RPH3A: variants seen among roughly 807,000 people sequenced by gnomAD.
RPH3A encodes the protein rabphilin 3A, also known as rabphilin-3A.
RPH3A carries 48 observed loss-of-function variants against 102.2 expected under a neutral mutation model. The ratio of observed to expected loss-of-function variants is 0.47; its 90% CI spans 0.37 to 0.60. RPH3A has a LOEUF of 0.60. Ranked by LOEUF, RPH3A falls within the 20% of genes least tolerant of loss-of-function variation. The pLI is 0.00. For missense variants in RPH3A, 781 were observed against 910.1 expected, an observed-to-expected ratio of 0.86 and a Z score of 1.83; for synonymous variants, 310 against 324.3, an observed-to-expected ratio of 0.96 and a Z score of 0.47.
At chr12:112,739,009 A>G (rs2040688606) in intron 1 of RPH3A, among the ~76,000 whole-genome samples, 1 of 152,232 alleles carries the variant, frequency 6.6e-6, no homozygotes, top group Non-Finnish European at 1.5e-5. Context: ...CAGACTTTGC[A>G]GGATCTCCAG....
At chr12:112,790,302 C>T (rs1190834092), upstream of RPH3A, among the ~76,000 whole-genome samples, 2 of 152,172 alleles carry the variant, frequency 1.3e-5, no homozygotes, top group Non-Finnish European at 1.5e-5. Flanking sequence ...AGGTAATCCA[C>T]CTGCCTCGGC....
Position 112,831,609 on chromosome 12 carries a change from C to T in RPH3A, c.71+3220C>T, listed in dbSNP as rs755337872. ...TAGTTTTTTGGTTCAATGTTCAAATCTTCCTGAATCTTGGTGCTTCTTGGG... is the reference window on the plus strand; with the variant it reads ...TAGTTTTTTGGTTCAATGTTCAAATTTTCCTGAATCTTGGTGCTTCTTGGG... On this transcript the variant is annotated intron_variant, in intron 3 of 21. Transcript: ENST00000389385. 4 of 247,574 alleles carry T rather than the reference C, an allele frequency of 1.6e-5. No homozygotes were observed. In the East Asian group the frequency reaches 4.7e-4, roughly 29 times the overall value. The allele number at this position is 247,574 out of a possible 1,614,324, so 15.3% of individuals were successfully genotyped here.
At position 112,896,925 on chromosome 12, in the gene RPH3A, G is replaced by T. The variant is rs946571665; in HGVS notation, c.*145G>T. On this transcript the variant is annotated 3_prime_UTR_variant, in exon 22 of 22. Coordinates refer to ENST00000389385, the MANE Select transcript of RPH3A (RefSeq NM_001143854.2). ...GAGCCTGCCTTTGAGCCCCCGTCAC[G>T]TTGGGCACTGCTGCCAAAGACTCCC... 3 of 796,448 alleles carry T rather than the reference G, an allele frequency of 3.8e-6. No individual in the cohort carries two copies. The highest frequency in any genetic ancestry group is 5.5e-5 in the East Asian group (2 of 36,414). 49.3% of individuals were successfully genotyped at this position (796,448 alleles called of 1,614,324 possible).
chr12:112,881,053 A>G (rs1380181270), intron 14 of RPH3A, among the ~76,000 whole-genome samples: 1 of 152,108 alleles, frequency 6.6e-6, no homozygotes, highest in Non-Finnish European at 1.5e-5. Flanking sequence ...CACAGTTCAC[A>G]CCCGTGTTGT....
intron 1 of RPH3A, among the ~76,000 whole-genome samples, chr12:112,732,362 G>A (rs1034687): frequency 0.18 from 26,932 of 152,100 alleles, 2,558 homozygotes; most frequent in Admixed American, 0.22. Context: ...TGGCATCCCC[G>A]CTCTCCATTT....
At position 112,869,772 on chromosome 12, in the gene RPH3A, T is replaced by C. The variant is rs755969538; in HGVS notation, c.624T>C (p.Asp208=). 3.1e-6 allele frequency: 5 copies of C among 1,614,070 alleles called. No individual in the cohort carries two copies. Among genetic ancestry groups the C allele is most frequent in the Admixed American group, 1.7e-5 (1 of 60,008 alleles). ...ARAPARGDSE[D]RRGPGQKTGP... is the part of the protein sequence containing the mutation. Reference sequence around the variant, plus strand: ...TTCTTTCTCCAGGTGACAGTGAAGATAGGAGGGGCCCGGGTCAGAAGACAG... The same window carrying C: ...TTCTTTCTCCAGGTGACAGTGAAGACAGGAGGGGCCCGGGTCAGAAGACAG... Residue 208 remains aspartate (D), a synonymous_variant, in exon 9 of 22, where the codon GAT becomes GAC. Transcript: ENST00000389385.
rs139594761 is a variant in RPH3A at position 112,666,175 on chromosome 12, G to A, written c.-140+90856G>A. Among the ~76,000 whole-genome samples, 607 of 152,292 alleles carry A rather than the reference G, an allele frequency of 4.0e-3. 4 individuals are homozygous for A. The highest frequency in any genetic ancestry group is 0.014 in the African/African-American group (589 of 41,558). On this transcript the variant is annotated intron_variant, in intron 1 of 21. Transcript: ENST00000543106. ...AGCTGTGGCTGCAGCCACAATGTAG[G>A]TCACTGACAGGAAATTATCTTGCTG...
rs1565857506 is a variant in RPH3A at position 112,713,055 on chromosome 12, CTT to C, written c.-139-79087_-139-79086del. Among the ~76,000 whole-genome samples the C allele has an allele frequency of 2.1e-4, 13 of 63,032 alleles. 1 individual carries two copies. Among genetic ancestry groups the C allele is most frequent in the Non-Finnish European group, 6.3e-4 (13 of 20,504 alleles). The allele number at this position is 63,032 out of a possible 152,430, so 41.4% of individuals were successfully genotyped here. ...TCTTCTTCTTCTTCTTCTTCTCCTTCTTCTTCTTCTTCTTCTTCTTCTTCTTC... is the reference window on the plus strand; with the variant it reads ...TCTTCTTCTTCTTCTTCTTCTCCTTCCTTCTTCTTCTTCTTCTTCTTCTTC... On this transcript the variant is annotated intron_variant, in intron 1 of 21. Coordinates refer to the RPH3A transcript ENST00000543106.
chr12:112,658,515 T>C (rs893323981), intron 1 of RPH3A, among the ~76,000 whole-genome samples: 1 of 152,196 alleles, frequency 6.6e-6, no homozygotes, highest in African/African-American at 2.4e-5. Flanking sequence ...CTGTCTGCTG[T>C]GTTGACAGTA....
intron 2 of RPH3A, among the ~76,000 whole-genome samples, chr12:112,810,282 T>G (rs980833298): frequency 6.6e-6 from 1 of 152,182 alleles, no homozygotes; most frequent in Non-Finnish European, 1.5e-5. Flanking sequence ...TATCAGTGAC[T>G]GATTTTATTG....
intron 1 of RPH3A, among the ~76,000 whole-genome samples, chr12:112,750,765 A>G (rs914718030): frequency 1.3e-5 from 2 of 152,154 alleles, no homozygotes; most frequent in African/African-American, 4.8e-5. Flanking sequence ...GGTCTAAACT[A>G]ATTGTTATAA....
At chr12:112,637,876 A>G (rs2039859200) in intron 1 of RPH3A, among the ~76,000 whole-genome samples, 3 of 151,640 alleles carry the variant, frequency 2.0e-5, no homozygotes. Flanking sequence ...AATTCTTGTT[A>G]TCTCATGATA....
chr12:112,758,289 C>CT (rs932631843), intron 1 of RPH3A, among the ~76,000 whole-genome samples: 1 of 152,198 alleles, frequency 6.6e-6, no homozygotes, highest in African/African-American at 2.4e-5. Context: ...CCTTTTGTCT[C>CT]TTTTTTTCCT....
intron 3 of RPH3A, 84 bp from the exon 4 acceptor site, chr12:112,836,407 C>T: frequency 1.4e-6 from 1 of 730,108 alleles, no homozygotes; most frequent in Non-Finnish European, 2.2e-6. Flanking sequence ...GTGAGTGTTG[C>T]ATCCAGACAG....
intron 1 of RPH3A, among the ~76,000 whole-genome samples, chr12:112,724,371 T>C (rs376530692): frequency 1.3e-5 from 2 of 152,188 alleles, no homozygotes; most frequent in African/African-American, 4.8e-5. Flanking sequence ...GGCCAATATT[T>C]TTTTAATATT....
At chr12:112,786,327 A>G (rs1053524807) in intron 1 of RPH3A, among the ~76,000 whole-genome samples, 4 of 152,216 alleles carry the variant, frequency 2.6e-5, no homozygotes, top group Admixed American at 2.6e-4. Flanking sequence ...GGGATTTGTC[A>G]GTGCACATAG....
chr12:112,579,992 T>C (rs896473158), intron 1 of RPH3A, among the ~76,000 whole-genome samples: 1 of 152,196 alleles, frequency 6.6e-6, no homozygotes, highest in Non-Finnish European at 1.5e-5. Flanking sequence ...ACTCATTAAT[T>C]AGCTGATTAA....
intron 1 of RPH3A, among the ~76,000 whole-genome samples, chr12:112,672,858 A>G (rs1036920243): frequency 6.6e-6 from 1 of 152,164 alleles, no homozygotes; most frequent in Admixed American, 6.5e-5. Flanking sequence ...TGCATGGTCT[A>G]CTTTGGCTCC....
intron 1 of RPH3A, among the ~76,000 whole-genome samples, chr12:112,742,865 G>T (rs528004551): frequency 2.0e-5 from 3 of 152,168 alleles, no homozygotes; most frequent in South Asian, 4.2e-4. Context: ...GGCCTCAAAG[G>T]GCTAAAATCA....
Sources: allele counts gnomAD v4.1 joint callset (sites outside exome capture counted in the v4.1 genomes callset), GRCh38; gene constraint gnomAD v4.1.1; transcripts MANE v1.5; gene names NCBI Gene and HGNC (gene_info 2026-07-23, HGNC 2026-07-21).